The following DIAPH2 variants were observed in gnomAD, a reference collection of about 807,000 sequenced individuals.
DIAPH2 encodes the protein protein diaphanous homolog 2.
A neutral mutation model predicts 92.7 loss-of-function variants in DIAPH2; 35 were observed. The observed-to-expected ratio is 0.38, with a 90% CI of 0.29 to 0.50. The LOEUF (loss-of-function observed/expected upper bound fraction) is 0.50. Ranked by LOEUF, DIAPH2 falls within the 20% of genes least tolerant of loss-of-function variation. The probability of loss-of-function intolerance (pLI) is 0.94; values close to 1 mark genes in which losing one functional copy is unlikely to be tolerated. For missense variants in DIAPH2, 701 were observed against 819.5 expected (o/e 0.86, Z 1.77); for synonymous variants, 301 against 280.4 (o/e 1.07, Z -0.73).
At chrX:97,377,045 A>T (rs1378794141) in intron 24 of DIAPH2, among the ~76,000 whole-genome samples, 4 of 112,030 alleles carry the variant, frequency 3.6e-5, no homozygotes, top group African/African-American at 1.3e-4. Flanking sequence ...ACACAAGCAC[A>T]CACATTAGCC....
In DIAPH2 at chrX:96,806,657, A is replaced by AT. The variant is rs2064627728; in HGVS notation, c.447+48399_447+48400insT. 1.9e-5 allele frequency among the ~76,000 whole-genome samples: 2 copies of AT among 104,874 alleles called. 1 individual carries two copies. The highest frequency in any genetic ancestry group is 3.9e-5 in the Non-Finnish European group (2 of 51,408). 91.1% of individuals were successfully genotyped at this position (104,874 alleles called of 115,157 possible). On this transcript the variant is annotated intron_variant, in intron 4 of 26. Transcript: ENST00000324765. ...GTGAAACTCCATCTCAAAAAAAAAA[A>AT]AAAAAAAGAAACAAAGAAATTATAT...
chrX:97,360,474 AT>A (rs1206927229), intron 24 of DIAPH2, among the ~76,000 whole-genome samples: 86 of 87,477 alleles, frequency 9.8e-4, no homozygotes, highest in African/African-American at 3.1e-3. Context: ...AAAAAAAAAA[AT>A]TAGGTGGGCA....
At chrX:96,995,534 T>C (rs909337566) in intron 17 of DIAPH2, among the ~76,000 whole-genome samples, 1 of 111,486 alleles carries the variant, frequency 9.0e-6, no homozygotes, top group Non-Finnish European at 1.9e-5. Flanking sequence ...CTCAGCCACA[T>C]TTCAAAATAA....
intron 26 of DIAPH2, among the ~76,000 whole-genome samples, chrX:97,597,747 G>A (rs1324106236): frequency 1.8e-5 from 2 of 111,597 alleles, no homozygotes; most frequent in Non-Finnish European, 3.8e-5. Context: ...TCCTTTATTC[G>A]GGAATGTTAT....
chrX:97,414,358 A>G (rs1301976108), intron 25 of DIAPH2, among the ~76,000 whole-genome samples: 1 of 112,072 alleles, frequency 8.9e-6, no homozygotes, highest in Non-Finnish European at 1.9e-5. Flanking sequence ...CATATGTAGA[A>G]AGCTGAAACT....
intron 17 of DIAPH2, among the ~76,000 whole-genome samples, chrX:97,006,719 T>C (rs1030107989): frequency 4.5e-5 from 5 of 112,165 alleles, no homozygotes; most frequent in Non-Finnish European, 9.4e-5. Flanking sequence ...TTAAAAAACA[T>C]TTAACCCCTC....
In DIAPH2 at chrX:96,952,736, AAAAAT is replaced by A. The variant is rs748929800; in HGVS notation, c.1614+3721_1614+3725del. On this transcript the variant is annotated intron_variant, in intron 15 of 26. Transcript: ENST00000324765. The stretch of plus-strand genomic sequence containing the variant: ...GGCAACAAGAGCAAAACTCTGTCTC[AAAAAT>A]AAAATAAAATAAAATAAAATAAATG... Among the ~76,000 whole-genome samples the A allele has an allele frequency of 1.1e-3, 120 of 110,600 alleles. 1 individual carries two copies. Among genetic ancestry groups the A allele is most frequent in the African/African-American group, 3.6e-3 (110 of 30,291 alleles).
intron 16 of DIAPH2, among the ~76,000 whole-genome samples, chrX:96,962,338 C>CACAT (rs747543488): frequency 3.0e-5 from 1 of 33,472 alleles, no homozygotes; most frequent in Non-Finnish European, 6.2e-5. Flanking sequence ...TATATATATA[C>CACAT]ATATATATAT....
chrX:97,237,736 C>G (rs113404421), intron 22 of DIAPH2, among the ~76,000 whole-genome samples: 1,513 of 110,402 alleles, frequency 0.014, 23 homozygotes, highest in African/African-American at 0.047. Flanking sequence ...CGCCTGCCAC[C>G]GCGCCTGGCT....
At chrX:97,506,119 GT>G (rs1338971870) in intron 26 of DIAPH2, among the ~76,000 whole-genome samples, 1 of 51,796 alleles carries the variant, frequency 1.9e-5, no homozygotes, top group Non-Finnish European at 3.5e-5. Flanking sequence ...TCAGCATAAT[GT>G]TTCTGGCTAT....
At chrX:97,414,216 A>G (rs191155766) in intron 25 of DIAPH2, among the ~76,000 whole-genome samples, 24 of 111,866 alleles carry the variant, frequency 2.1e-4, no homozygotes, top group African/African-American at 7.8e-4. Context: ...AGATAGCCCA[A>G]TAGAACATAA....
intron 23 of DIAPH2, among the ~76,000 whole-genome samples, chrX:97,254,452 A>G (rs758151172): frequency 3.0e-5 from 3 of 99,437 alleles, no homozygotes; most frequent in African/African-American, 7.4e-5. Flanking sequence ...AGATCACACC[A>G]TTGCACTCCA....
chrX:96,916,627 A>G (rs2065506799), intron 8 of DIAPH2, 53 bp downstream of exon 8: 6 of 1,080,104 alleles, frequency 5.6e-6, no homozygotes, highest in Non-Finnish European at 6.3e-6. Flanking sequence ...CACTTAAGAA[A>G]TTAATAAGTC....
intron 26 of DIAPH2, among the ~76,000 whole-genome samples, chrX:97,529,877 G>C (rs1337926141): frequency 8.9e-6 from 1 of 112,267 alleles, no homozygotes; most frequent in Non-Finnish European, 1.9e-5. Flanking sequence ...ATAGTAACTT[G>C]TGGCAGAACA....
chrX:97,205,784 C>A (rs1266138741), intron 22 of DIAPH2, among the ~76,000 whole-genome samples: 3 of 111,368 alleles, frequency 2.7e-5, no homozygotes, highest in Non-Finnish European at 5.7e-5. Context: ...TACCATTTGA[C>A]CCAGCAATCT....
intron 5 of DIAPH2, among the ~76,000 whole-genome samples, chrX:96,894,677 TG>T (rs1238486706): frequency 8.9e-6 from 1 of 111,753 alleles, no homozygotes; most frequent in Non-Finnish European, 1.9e-5. Context: ...TGTCAGTTTA[TG>T]TGCTTGATGA....
At chrX:97,522,901 C>T (rs1477551450) in intron 26 of DIAPH2, among the ~76,000 whole-genome samples, 1 of 112,290 alleles carries the variant, frequency 8.9e-6, no homozygotes, top group Non-Finnish European at 1.9e-5. Flanking sequence ...GAACTAAGGG[C>T]ACAAGAAAAT....
At chrX:97,526,982 C>A (rs1477499891) in intron 26 of DIAPH2, among the ~76,000 whole-genome samples, 3 of 111,593 alleles carry the variant, frequency 2.7e-5, no homozygotes, top group African/African-American at 9.8e-5. Flanking sequence ...GCTCCTAGCC[C>A]CAACCCTGCA....
chrX:97,506,138 CTTTTT>C (rs11385451), intron 26 of DIAPH2, among the ~76,000 whole-genome samples: 1 of 28,110 alleles, frequency 3.6e-5, no homozygotes, highest in Non-Finnish European at 5.7e-5. Context: ...TATCTAGTGC[CTTTTT>C]TTTTTTTTTT....
Sources: allele counts gnomAD v4.1 joint callset (sites outside exome capture counted in the v4.1 genomes callset), GRCh38; gene constraint gnomAD v4.1.1; transcripts MANE v1.5; gene names NCBI Gene and HGNC (gene_info 2026-07-23, HGNC 2026-07-21).